The following DPP4 variants were observed in gnomAD, a reference collection of about 807,000 sequenced individuals.
DPP4 encodes dipeptidyl peptidase 4.
In DPP4, 93 loss-of-function variants were observed where a neutral mutation model predicts 122.4. That is an observed-to-expected ratio of 0.76 (90% CI 0.64 to 0.90). The LOEUF (loss-of-function observed/expected upper bound fraction) is 0.90. Among genes scored for constraint, DPP4 ranks in the 40% least tolerant of loss-of-function variants. The pLI is 0.00. For missense variants in DPP4, 914 were observed against 907.3 expected (o/e 1.01, Z -0.09); for synonymous variants, 321 against 302.9 (o/e 1.06, Z -0.62).
chr2:162,071,567 G>C (rs2268884), intron 2 of DPP4, among the ~76,000 whole-genome samples: 2 of 152,134 alleles, frequency 1.3e-5, no homozygotes, highest in African/African-American at 4.8e-5. Flanking sequence ...ACTTGAACCC[G>C]GGAGGGGGAG....
intron 3 of DPP4, 141 bp from the exon 4 acceptor site, chr2:162,047,147 A>G (rs1232051711): frequency 1.8e-6 from 1 of 558,516 alleles, no homozygotes; most frequent in Non-Finnish European, 3.2e-6. Context: ...ATATTATACT[A>G]ACATTCATTC....
chr2:162,025,772 C>T (rs1477139601), intron 10 of DPP4, among the ~76,000 whole-genome samples: 4 of 152,188 alleles, frequency 2.6e-5, no homozygotes, highest in Non-Finnish European at 5.9e-5. Context: ...TCCCTGCTCT[C>T]GAGTGTCTGA....
At chr2:162,064,979 A>G (rs1006543051) in intron 2 of DPP4, among the ~76,000 whole-genome samples, 12 of 152,250 alleles carry the variant, frequency 7.9e-5, no homozygotes, top group African/African-American at 1.2e-4. Flanking sequence ...AGCAATAACC[A>G]AATACACGAT....
chr2:162,028,114 C>G (rs1683404210), intron 10 of DPP4, among the ~76,000 whole-genome samples: 1 of 150,748 alleles, frequency 6.6e-6, no homozygotes, highest in African/African-American at 2.4e-5. Flanking sequence ...GTAATAGCAG[C>G]ATTTTGGGAG....
At position 162,018,782 on chromosome 2, in the gene DPP4, T is replaced by C; in HGVS notation, c.1367A>G (p.Tyr456Cys). Residue 456 changes from tyrosine (Y) to cysteine (C), a missense_variant, in exon 16 of 26, where the codon TAC (tyrosine) becomes TGC (cysteine). Transcript: ENST00000360534. Reference protein sequence around the residue: ...SCELNPERCQYYSVSFSKEAK... With the variant: ...SCELNPERCQCYSVSFSKEAK... ...CTCTTTACTGAATGACACAGAATAG[T>C]ACTGACACCTTTCCGGATTCAGCTC... 8 of 1,614,158 alleles carry C rather than the reference T, an allele frequency of 5.0e-6. No homozygotes were observed. The highest frequency in any genetic ancestry group is 5.9e-6 in the Non-Finnish European group (7 of 1,180,040).
intron 8 of DPP4, among the ~76,000 whole-genome samples, chr2:162,035,788 G>A (rs901620734): frequency 5.3e-5 from 8 of 152,066 alleles, no homozygotes; most frequent in African/African-American, 1.9e-4. Context: ...CCAATATGGT[G>A]CCCAGAGTTT....
At chr2:162,052,389 C>A (rs1684415423) in intron 2 of DPP4, among the ~76,000 whole-genome samples, 1 of 151,686 alleles carries the variant, frequency 6.6e-6, no homozygotes, top group Non-Finnish European at 1.5e-5. Flanking sequence ...CCTTTGTGAC[C>A]CTCTACCTTT....
At chr2:162,007,922 TG>T (rs756187871) in intron 22 of DPP4, among the ~76,000 whole-genome samples, 46 of 152,290 alleles carry the variant, frequency 3.0e-4, no homozygotes, top group Middle Eastern at 3.4e-3. Context: ...AGACTTGAGA[TG>T]GGGTTAGAAG....
chr2:162,033,572 G>T lies in DPP4; in HGVS notation c.856C>A (p.Gln286Lys), dbSNP rs1238328503. 1 of 1,612,906 alleles carries T rather than the reference G, an allele frequency of 6.2e-7. No individual in the cohort carries two copies. Among genetic ancestry groups the T allele is most frequent in the African/African-American group, 1.3e-5 (1 of 74,784 alleles). Residue 286 changes from glutamine (Q) to lysine (K), a missense_variant, in exon 10 of 26, where the codon CAA becomes AAA. Physicochemically the swap from Gln to Lys is moderately conservative, Grantham distance 53. Transcript: ENST00000360534. ...LSSVTNATSI[Q>K]ITAPASMLIG... Reference sequence around the variant, plus strand: ...AACATAGAAGCAGGAGCAGTGATTTGTATGGAAGTTGCATTGGTGACTGAG... The same window carrying T: ...AACATAGAAGCAGGAGCAGTGATTTTTATGGAAGTTGCATTGGTGACTGAG...
intron 1 of DPP4, 131 bp downstream of exon 1, chr2:162,073,845 A>G (rs1356587435): frequency 1.6e-6 from 2 of 1,254,202 alleles, no homozygotes; most frequent in African/African-American, 1.5e-5. Context: ...TTCACCTGTC[A>G]GAGGGTGGCC....
rs577492192 is a variant in DPP4 at position 162,014,252 on chromosome 2, G to T, written c.1637+144C>A. 2.4e-5 allele frequency: 16 copies of T among 663,150 alleles called. No homozygotes were observed. The African/African-American group carries it at 2.6e-4, about 11-fold the overall frequency. 41.1% of individuals were successfully genotyped at this position (663,150 alleles called of 1,614,324 possible). Reference sequence around the variant, plus strand: ...GAGAAAACACAGGTTGGGTTTTGTGGCTGTACAGTGAAAGGAGGAAATAGT... The same window carrying T: ...GAGAAAACACAGGTTGGGTTTTGTGTCTGTACAGTGAAAGGAGGAAATAGT... On this transcript the variant is annotated intron_variant, in intron 19 of 25. Coordinates refer to ENST00000360534, the MANE Select transcript of DPP4 (RefSeq NM_001935.4).
intron 5 of DPP4, among the ~76,000 whole-genome samples, chr2:162,041,412 G>C (rs1319709581): frequency 3.3e-5 from 5 of 152,118 alleles, no homozygotes; most frequent in Non-Finnish European, 7.4e-5. Flanking sequence ...TTGTATCAAT[G>C]AGGATGAGAC....
intron 10 of DPP4, among the ~76,000 whole-genome samples, chr2:162,029,917 C>T (rs1683482216): frequency 6.6e-6 from 1 of 152,190 alleles, no homozygotes; most frequent in African/African-American, 2.4e-5. Context: ...TCTATACACA[C>T]AAAGCCATCT....
intron 2 of DPP4, among the ~76,000 whole-genome samples, chr2:162,057,001 T>C (rs968138388): frequency 1.3e-5 from 2 of 152,092 alleles, no homozygotes; most frequent in Non-Finnish European, 2.9e-5. Flanking sequence ...ACCCATAAAA[T>C]GACTCAGTGC....
intron 2 of DPP4, among the ~76,000 whole-genome samples, chr2:162,049,147 T>G (rs779508868): frequency 2.6e-5 from 4 of 152,222 alleles, no homozygotes; most frequent in Admixed American, 1.3e-4. Flanking sequence ...TTTGGGGGAC[T>G]GGGAAGCCAG....
intron 2 of DPP4, among the ~76,000 whole-genome samples, chr2:162,051,852 G>A (rs1421623823): frequency 2.6e-5 from 4 of 152,360 alleles, no homozygotes; most frequent in Admixed American, 1.3e-4. Flanking sequence ...GAATCAGAGA[G>A]CCTGGATTTG....
At chr2:162,035,699 C>A (rs1452230560) in intron 8 of DPP4, among the ~76,000 whole-genome samples, 1 of 152,158 alleles carries the variant, frequency 6.6e-6, no homozygotes, top group Non-Finnish European at 1.5e-5. Flanking sequence ...AACATGCCAG[C>A]ATACTCTCCC....
Position 162,055,943 on chromosome 2 carries a change from C to T in DPP4, c.95-8442G>A, listed in dbSNP as rs75326753. 2.7e-4 allele frequency among the ~76,000 whole-genome samples: 41 copies of T among 152,364 alleles called. No homozygotes were observed. In the East Asian group the frequency reaches 7.9e-3, roughly 29 times the overall value. Reference sequence around the variant, plus strand: ...CTTTTGCCTTTCCACTCCATCCACACTGGCCACCCAGTGGCCAGACACACC... The same window carrying T: ...CTTTTGCCTTTCCACTCCATCCACATTGGCCACCCAGTGGCCAGACACACC... On this transcript the variant is annotated intron_variant, in intron 2 of 25. Transcript: ENST00000360534.
At chr2:162,026,018 C>T (rs188434676) in intron 10 of DPP4, among the ~76,000 whole-genome samples, 52 of 152,228 alleles carry the variant, frequency 3.4e-4, no homozygotes, top group African/African-American at 1.2e-3. Context: ...ATTATATGTC[C>T]GTGGAATGCA....
Sources: allele counts gnomAD v4.1 joint callset (sites outside exome capture counted in the v4.1 genomes callset), GRCh38; gene constraint gnomAD v4.1.1; transcripts MANE v1.5; gene names NCBI Gene and HGNC (gene_info 2026-07-23, HGNC 2026-07-21).